PHRF1: variants seen among roughly 807,000 people sequenced by gnomAD.
PHRF1 encodes PHD and RING finger domain-containing protein 1.
In PHRF1, 53 loss-of-function variants were observed where a neutral mutation model predicts 128.9. The observed-to-expected ratio is 0.41, with a 90% CI of 0.33 to 0.52. The LOEUF (loss-of-function observed/expected upper bound fraction) is 0.52, where lower values mean the gene tolerates loss of function less well. Ranked by LOEUF, PHRF1 falls within the 20% of genes least tolerant of loss-of-function variation. The pLI, the probability that PHRF1 is intolerant of heterozygous loss-of-function variation, is 0.21. For missense variants in PHRF1, 2,503 were observed against 2,284.5 expected (o/e 1.10, Z -1.95); for synonymous variants, 1,178 against 980.6 (o/e 1.20, Z -3.76).
chr11:606,316 G>A (rs991972864), intron 12 of PHRF1, 126 bp from the exon 13 acceptor site: 2 of 1,245,508 alleles, frequency 1.6e-6, no homozygotes, highest in Non-Finnish European at 2.1e-6. Flanking sequence ...CCAGGGCTGT[G>A]GGGGAGGCGC....
At chr11:586,500 TG>T (rs1439500160) in intron 3 of PHRF1, among the ~76,000 whole-genome samples, 1 of 152,212 alleles carries the variant, frequency 6.6e-6, no homozygotes, top group Non-Finnish European at 1.5e-5. Context: ...CGGGAGGGTT[TG>T]GAGGGTTTCG....
Position 612,123 on chromosome 11 carries a change from GGGTGGCGCGTCCTTGATAAATCTCTA to G in PHRF1, c.*353_*378del. The G allele has an allele frequency of 2.8e-6, 1 of 356,810 alleles. No homozygotes were observed. The highest frequency in any genetic ancestry group is 2.1e-5 in the African/African-American group (1 of 48,142). The allele number at this position is 356,810 out of a possible 1,614,324, so 22.1% of individuals were successfully genotyped here. A position where few individuals can be genotyped will look rare whatever the true frequency, so the allele number is the denominator to read the frequency against. On this transcript the variant is annotated 3_prime_UTR_variant, in exon 18 of 18. Coordinates refer to ENST00000264555, the MANE Select transcript of PHRF1 (RefSeq NM_001286581.2). ...TGGTGATCAAGAGGGGCTCCTGGTG[GGGTGGCGCGTCCTTGATAAATCTCTA>G]GGTGGCCTCCCGCCAACAGCTGCTG...
rs762811556 is a variant in PHRF1 at position 605,585 on chromosome 11, G to C, written c.1335-20G>C. 1 of 1,611,598 alleles carries C rather than the reference G, an allele frequency of 6.2e-7. No individual in the cohort carries two copies. On this transcript the variant is annotated intron_variant, in intron 11 of 17. Transcript: ENST00000264555. ...AGCTGGGAGTCACTTGTTCCCTTTGGCCTGTGTCCTCCCCTCTAGCAGTGA... is the reference window on the plus strand; with the variant it reads ...AGCTGGGAGTCACTTGTTCCCTTTGCCCTGTGTCCTCCCCTCTAGCAGTGA...
Position 611,049 on chromosome 11 carries a change from G to C in PHRF1, c.4773G>C (p.Glu1591Asp), listed in dbSNP as rs1289185632. The C allele has an allele frequency of 1.9e-6, 3 of 1,613,308 alleles. No individual in the cohort carries two copies. Among genetic ancestry groups the C allele is most frequent in the Non-Finnish European group, 2.5e-6 (3 of 1,179,764 alleles). ...FYQKREVTKE[E>D]YKDILRKAVQ... The stretch of plus-strand genomic sequence containing the variant: ...AGAAGAGGGAGGTGACCAAGGAGGA[G>C]TACAAGGACATCCTGCGCAAGGCCG... The change falls in exon 17 of 18, where the codon GAG (glutamate) becomes GAC (aspartate). Residue 1591 changes from glutamate to aspartate, a missense_variant. Physicochemically the swap from Glu to Asp is conservative, Grantham distance 45. Transcript: ENST00000264555.
At chr11:583,157 G>A (rs1336952230) in intron 3 of PHRF1, among the ~76,000 whole-genome samples, 5 of 151,664 alleles carry the variant, frequency 3.3e-5, no homozygotes, top group Admixed American at 1.3e-4. Context: ...TGGCTAACAT[G>A]GTGAAACCCC....
intron 3 of PHRF1, among the ~76,000 whole-genome samples, chr11:584,451 A>G (rs900145601): frequency 6.6e-6 from 1 of 152,188 alleles, no homozygotes; most frequent in Non-Finnish European, 1.5e-5. Flanking sequence ...GCTGGGGGAC[A>G]GGGTCATAGA....
chr11:598,650 G>C (rs1385227758), intron 9 of PHRF1, 148 bp downstream of exon 9: 1 of 1,293,136 alleles, frequency 7.7e-7, no homozygotes. Context: ...CACAGAAGCC[G>C]CGCCGGGCCC....
rs1265131727 is a variant in PHRF1 at position 610,055 on chromosome 11, C to T, written c.4265-141C>T. 11 of 1,142,750 alleles carry T rather than the reference C, an allele frequency of 9.6e-6. No individual in the cohort carries two copies. In the Admixed American group the frequency reaches 3.3e-4, roughly 34 times the overall value. 70.8% of individuals were successfully genotyped at this position (1,142,750 alleles called of 1,614,324 possible). Reference sequence around the variant, plus strand: ...TAGGAGCTGGCACACCTCGCAACCTCCCCTTGGTGCTGGGGGTGGATCTGA... The same window carrying T: ...TAGGAGCTGGCACACCTCGCAACCTTCCCTTGGTGCTGGGGGTGGATCTGA... On this transcript the variant is annotated intron_variant, in intron 14 of 17. Coordinates refer to ENST00000264555, the MANE Select transcript of PHRF1 (RefSeq NM_001286581.2).
chr11:587,579 C>A, intron 4 of PHRF1, 115 bp downstream of exon 4: 6 of 1,055,542 alleles, frequency 5.7e-6, no homozygotes, highest in Non-Finnish European at 8.4e-6. Flanking sequence ...CTGCGGCTGA[C>A]CCTGGGGCCA....
chr11:599,401 C>T (rs944559173), intron 9 of PHRF1, among the ~76,000 whole-genome samples: 2 of 151,806 alleles, frequency 1.3e-5, no homozygotes, highest in Non-Finnish European at 2.9e-5. Flanking sequence ...CAGGCACCCG[C>T]CACCACACCC....
intron 3 of PHRF1, among the ~76,000 whole-genome samples, chr11:585,210 C>T (rs548816329): frequency 1.3e-3 from 201 of 152,088 alleles, no homozygotes; most frequent in Non-Finnish European, 2.6e-3. Flanking sequence ...TGTTACACTG[C>T]CCTTTCCAGC....
intron 4 of PHRF1, among the ~76,000 whole-genome samples, chr11:588,386 T>G (rs552615267): frequency 2.6e-4 from 39 of 152,248 alleles, no homozygotes; most frequent in Middle Eastern, 3.4e-3. Flanking sequence ...TCTTTTTTTT[T>G]TTGTTTTTTT....
chr11:598,335 C>T (rs1855420113), intron 8 of PHRF1, 38 bp from the exon 9 acceptor site: 1 of 1,595,756 alleles, frequency 6.3e-7, no homozygotes, highest in Non-Finnish European at 8.5e-7. Flanking sequence ...CGGCTGAGGC[C>T]CCAAGGGCAT....
chr11:606,333 G>A (rs932368088), intron 12 of PHRF1, 109 bp from the exon 13 acceptor site: 65 of 1,375,836 alleles, frequency 4.7e-5, no homozygotes, highest in South Asian at 2.1e-4. Context: ...GCGCAGGCCC[G>A]GCCCAGCCCC....
chr11:607,176 T>G lies in PHRF1; in HGVS notation c.1720T>G (p.Ser574Ala). Residue 574 changes from serine (S) to alanine (A), a missense_variant, in exon 14 of 18, where the codon TCA (serine) becomes GCA (alanine). Ser to Ala is a moderately conservative substitution (Grantham distance 99). Transcript: ENST00000264555. Reference protein sequence around the residue: ...LPSGSPAQGPSGNRPQSTGLS... With the variant: ...LPSGSPAQGPAGNRPQSTGLS... ...CTCCGGGAGCCCGGCCCAAGGCCCG[T>G]CAGGAAACAGGCCACAGAGCACAGG... The G allele has an allele frequency of 1.9e-6, 3 of 1,612,502 alleles. No homozygotes were observed. Among genetic ancestry groups the G allele is most frequent in the Non-Finnish European group, 2.5e-6 (3 of 1,179,736 alleles).
At chr11:592,357 A>G (rs1021604152) in intron 5 of PHRF1, among the ~76,000 whole-genome samples, 17 of 152,008 alleles carry the variant, frequency 1.1e-4, no homozygotes, top group African/African-American at 3.6e-4. Flanking sequence ...TCTGTTGAAT[A>G]CTTTCCTCTT....
Position 608,951 on chromosome 11 carries a change from C to G in PHRF1, c.3495C>G (p.Ser1165=). 6.2e-7 allele frequency: 1 copy of G among 1,610,808 alleles called. No homozygotes were observed. Among genetic ancestry groups the G allele is most frequent in the Non-Finnish European group, 8.5e-7 (1 of 1,179,282 alleles). The change falls in exon 14 of 18, where the codon TCC becomes TCG. Residue 1165 remains serine, a synonymous_variant. Transcript: ENST00000264555. The part of the protein sequence containing the change: ...PRDRRKRRSR[S]PSSEHRAREH... Reference sequence around the variant, plus strand: ...ACCGGAGGAAGCGGAGGTCCCGGTCCCCAAGCTCGGAGCACAGGGCACGGG... The same window carrying G: ...ACCGGAGGAAGCGGAGGTCCCGGTCGCCAAGCTCGGAGCACAGGGCACGGG...
At chr11:602,920 G>A (rs187397295) in intron 10 of PHRF1, among the ~76,000 whole-genome samples, 139 of 151,692 alleles carry the variant, frequency 9.2e-4, no homozygotes, top group African/African-American at 3.1e-3. Flanking sequence ...GTGCCACCAC[G>A]CCCAGCTAAT....
intron 1 of PHRF1, 141 bp from the exon 2 acceptor site, chr11:581,351 A>G: frequency 1.5e-6 from 1 of 661,212 alleles, no homozygotes; most frequent in Non-Finnish European, 2.6e-6. Context: ...TCTGTGGGTG[A>G]TATCTCAGGG....
Sources: gnomAD v4.1 joint callset for allele counts (sites outside exome capture counted in the v4.1 genomes callset) on GRCh38, gnomAD v4.1.1 for gene constraint, MANE v1.5 for transcripts, NCBI Gene and HGNC (gene_info 2026-07-23, HGNC 2026-07-21) for gene names.